The following LIN52 variants were observed in gnomAD, a reference collection of about 807,000 sequenced individuals.
LIN52 encodes the protein lin-52 DREAM MuvB core complex component.
In LIN52, 4 loss-of-function variants were observed where a neutral mutation model predicts 18.5. That is an observed-to-expected ratio of 0.22 (90% CI 0.11 to 0.49). The LOEUF (loss-of-function observed/expected upper bound fraction) is 0.49. Ranked by LOEUF, LIN52 falls within the 20% of genes least tolerant of loss-of-function variation. The pLI is 0.97. For synonymous variants in LIN52, 34 were observed against 45.5 expected, an observed-to-expected ratio of 0.75 and a Z score of 1.02; for missense variants, 102 against 139.5, an observed-to-expected ratio of 0.73 and a Z score of 1.35.
chr14:74,109,051 C>A (rs565146014), intron 5 of LIN52, among the ~76,000 whole-genome samples: 9 of 152,236 alleles, frequency 5.9e-5, no homozygotes, highest in African/African-American at 2.2e-4. Context: ...GTCTTTGATT[C>A]ATTTTAAGTT....
rs71115964 is a variant in LIN52, at chr14:74,157,035, C to CTTTT, written c.284-41876_284-41873dup. Among the ~76,000 whole-genome samples the CTTTT allele has an allele frequency of 2.7e-4, 37 of 138,316 alleles. 1 individual carries two copies. Among genetic ancestry groups the CTTTT allele is most frequent in the Admixed American group, 3.7e-4 (5 of 13,586 alleles). The allele number at this position is 138,316 out of a possible 152,430, so 90.7% of individuals were successfully genotyped here. On this transcript the variant is annotated intron_variant, in intron 5 of 5. Coordinates refer to ENST00000555028, the MANE Select transcript of LIN52 (RefSeq NM_001024674.3). The stretch of plus-strand genomic sequence containing the variant: ...TGTATGTATACCATATTTTCTTTTT[C>CTTTT]TTTTTTTTTTTTTTGAGACAGAATT...
chr14:74,176,754 A>C (rs555856369), intron 5 of LIN52, among the ~76,000 whole-genome samples: 1 of 152,332 alleles, frequency 6.6e-6, no homozygotes, highest in South Asian at 2.1e-4. Flanking sequence ...CTATATTTAC[A>C]GAATACTTCA....
rs573705378 is a variant in LIN52, at chr14:74,091,773, CAAAAAAAAAAA to C, written c.94+481_94+491del. Reference sequence around the variant, plus strand: ...TGTGTGACAGGGTGAGACTCTGTCTCAAAAAAAAAAAAAAAAAAAAAAAAGTTCTGATAACC... The same window carrying C: ...TGTGTGACAGGGTGAGACTCTGTCTCAAAAAAAAAAAAAGTTCTGATAACC... On this transcript the variant is annotated intron_variant, in intron 2 of 5. Transcript: ENST00000555028. Among the ~76,000 whole-genome samples, 591 of 65,340 alleles carry C rather than the reference CAAAAAAAAAAA, an allele frequency of 9.0e-3. 7 individuals are homozygous for C. Among genetic ancestry groups the C allele is most frequent in the African/African-American group, 0.033 (562 of 17,050 alleles). The allele number at this position is 65,340 out of a possible 152,430, so 42.9% of individuals were successfully genotyped here. A position where few individuals can be genotyped will look rare whatever the true frequency, so the allele number is the denominator to read the frequency against.
intron 5 of LIN52, among the ~76,000 whole-genome samples, chr14:74,117,662 GT>G (rs1331998565): frequency 4.6e-5 from 7 of 152,114 alleles, no homozygotes; most frequent in Non-Finnish European, 7.4e-5. Flanking sequence ...AGTTATTGAT[GT>G]TCTAGAAATT....
chr14:74,184,129 G>A (rs968380679), intron 5 of LIN52, among the ~76,000 whole-genome samples: 11 of 152,180 alleles, frequency 7.2e-5, no homozygotes, highest in African/African-American at 2.7e-4. Context: ...CACCCAGGCT[G>A]GAGTGCACAG....
At chr14:74,162,381 C>A (rs1262446566) in intron 5 of LIN52, among the ~76,000 whole-genome samples, 1 of 144,650 alleles carries the variant, frequency 6.9e-6, no homozygotes, top group Non-Finnish European at 1.5e-5. Context: ...GAGGCTGGGG[C>A]AGGAGAATCG....
chr14:74,183,026 G>C (rs141501451), intron 5 of LIN52, among the ~76,000 whole-genome samples: 1 of 151,456 alleles, frequency 6.6e-6, no homozygotes, highest in Non-Finnish European at 1.5e-5. Flanking sequence ...TATGTAATTT[G>C]TTCCTCATCT....
chr14:74,159,254 A>G (rs1194831980), intron 5 of LIN52, among the ~76,000 whole-genome samples: 1 of 152,164 alleles, frequency 6.6e-6, no homozygotes, highest in Non-Finnish European at 1.5e-5. Flanking sequence ...ATCTTACCCA[A>G]GTTCTCCCTA....
chr14:74,137,502 T>C (rs1332340642), intron 5 of LIN52, among the ~76,000 whole-genome samples: 2 of 143,088 alleles, frequency 1.4e-5, no homozygotes, highest in Admixed American at 6.8e-5. Context: ...AGCTCTCTTT[T>C]TTTTTTTTTT....
At chr14:74,186,876 C>T (rs2061342962) in intron 5 of LIN52, among the ~76,000 whole-genome samples, 1 of 152,104 alleles carries the variant, frequency 6.6e-6, no homozygotes, top group Admixed American at 6.5e-5. Flanking sequence ...GCCAGGAGTT[C>T]AAGACCAGCC....
chr14:74,092,703 G>A (rs2060780957), intron 2 of LIN52, among the ~76,000 whole-genome samples: 1 of 151,468 alleles, frequency 6.6e-6, no homozygotes, highest in Non-Finnish European at 1.5e-5. Context: ...GATCACTTGA[G>A]GCTAGGAGTT....
At position 74,198,326 on chromosome 14, in the gene LIN52, G is replaced by T. The variant is rs185972729; in HGVS notation, c.284-596G>T. Reference sequence around the variant, plus strand: ...GAGAAAGACACATAAACCTTGGCTGGCTATATTAAATAGCTAAGGACTGAC... The same window carrying T: ...GAGAAAGACACATAAACCTTGGCTGTCTATATTAAATAGCTAAGGACTGAC... On this transcript the variant is annotated intron_variant, in intron 5 of 5. Transcript: ENST00000555028. 1.3e-4 allele frequency among the ~76,000 whole-genome samples: 20 copies of T among 152,232 alleles called. No individual in the cohort carries two copies. In the East Asian group the frequency reaches 3.9e-3, roughly 29 times the overall value.
intron 5 of LIN52, among the ~76,000 whole-genome samples, chr14:74,158,560 C>T (rs562210268): frequency 6.6e-6 from 1 of 152,160 alleles, no homozygotes; most frequent in African/African-American, 2.4e-5. Flanking sequence ...CTCACTGCAA[C>T]CTCCACCTCC....
chr14:74,175,020 A>AAATTAATAATAAT (rs1555384625), intron 5 of LIN52, among the ~76,000 whole-genome samples: 1 of 140,946 alleles, frequency 7.1e-6, no homozygotes, highest in Non-Finnish European at 1.5e-5. Flanking sequence ...GACTCAAAGA[A>AAATTAATAATAAT]AATAATAATA....
chr14:74,186,933 G>T (rs12888189), intron 5 of LIN52, among the ~76,000 whole-genome samples: 2,379 of 152,246 alleles, frequency 0.016, 24 homozygotes, highest in Non-Finnish European at 0.025. Context: ...ACAAATATTA[G>T]CCGGGCGTTA....
At chr14:74,159,871 C>G (rs527963197) in intron 5 of LIN52, among the ~76,000 whole-genome samples, 41 of 152,298 alleles carry the variant, frequency 2.7e-4, no homozygotes, top group African/African-American at 9.9e-4. Flanking sequence ...CGTGCCCTGC[C>G]TACAGCTGTC....
intron 5 of LIN52, among the ~76,000 whole-genome samples, chr14:74,105,014 T>A (rs1427824871): frequency 6.6e-6 from 1 of 152,244 alleles, no homozygotes; most frequent in South Asian, 2.1e-4. Context: ...GACTGTATCT[T>A]ATCAACTATT....
At chr14:74,096,326 C>T (rs1221698490) in intron 3 of LIN52, among the ~76,000 whole-genome samples, 1 of 152,024 alleles carries the variant, frequency 6.6e-6, no homozygotes, top group African/African-American at 2.4e-5. Context: ...TCCCAAAGTG[C>T]TGGGATTACA....
intron 5 of LIN52, among the ~76,000 whole-genome samples, chr14:74,138,019 A>G (rs1487368101): frequency 2.0e-5 from 3 of 152,218 alleles, no homozygotes; most frequent in African/African-American, 7.2e-5. Flanking sequence ...TTCCACAGTC[A>G]GAGTAATATT....
Sources: gnomAD v4.1 joint callset for allele counts (sites outside exome capture counted in the v4.1 genomes callset) on GRCh38, gnomAD v4.1.1 for gene constraint, MANE v1.5 for transcripts, NCBI Gene and HGNC (gene_info 2026-07-23, HGNC 2026-07-21) for gene names.